Variants in ITFG2 observed in about 807,000 individuals in gnomAD.
ITFG2 encodes integrin alpha FG-GAP repeat containing 2.
A neutral mutation model predicts 54.4 loss-of-function variants in ITFG2; 36 were observed. That is an observed-to-expected ratio of 0.66 (90% CI 0.51 to 0.87). The LOEUF is 0.87. Ranked by LOEUF, ITFG2 falls within the 40% of genes least tolerant of loss-of-function variation. The pLI is 0.00. For missense variants in ITFG2, 524 were observed against 576.7 expected (o/e 0.91, Z 0.94); for synonymous variants, 211 against 225.4 (o/e 0.94, Z 0.57).
chr12:2,834,331 T>C (rs2098017584), upstream of ITFG2, among the ~76,000 whole-genome samples: 1 of 152,188 alleles, frequency 6.6e-6, no homozygotes, highest in African/African-American at 2.4e-5. Context: ...GTGACCACTC[T>C]AGAGGGTTCC....
chr12:2,835,928 TAGTG>T (rs1482478858), upstream of ITFG2, among the ~76,000 whole-genome samples: 2 of 152,238 alleles, frequency 1.3e-5, no homozygotes, highest in African/African-American at 4.8e-5. Context: ...TAGTTTTTGT[TAGTG>T]AGATTCATCC....
intron 2 of ITFG2, chr12:2,857,709 T>C (rs2098092418): frequency 6.5e-6 from 1 of 152,818 alleles, no homozygotes; most frequent in Non-Finnish European, 1.5e-5. Context: ...TATTGAGTAG[T>C]TAGTGTTCTC....
chr12:2,850,978 C>CTTTTTTTTTTTTTTTT (rs35125854), intron 2 of ITFG2, among the ~76,000 whole-genome samples: 1 of 81,666 alleles, frequency 1.2e-5, no homozygotes. Context: ...GGCCCAGAGT[C>CTTTTTTTTTTTTTTTT]TTTTTTTTTT....
intron 1 of ITFG2, among the ~76,000 whole-genome samples, chr12:2,837,896 G>T (rs578002016): frequency 6.6e-6 from 1 of 152,288 alleles, no homozygotes; most frequent in African/African-American, 2.4e-5. Context: ...AGGTGGTCCA[G>T]TCCTTGTGTT....
At chr12:2,859,259 C>G (rs778653164) in intron 3 of ITFG2, 2 of 1,613,772 alleles carry the variant, frequency 1.2e-6, no homozygotes, top group Non-Finnish European at 1.7e-6. Flanking sequence ...GCAGCTCCGG[C>G]TCATCCACAC....
At chr12:2,841,192 A>G (rs936511044) in intron 2 of ITFG2, among the ~76,000 whole-genome samples, 4 of 152,222 alleles carry the variant, frequency 2.6e-5, no homozygotes, top group African/African-American at 9.6e-5. Flanking sequence ...TAACTTGTCT[A>G]TACCACGAGC....
intron 2 of ITFG2, among the ~76,000 whole-genome samples, chr12:2,855,874 G>T (rs2098085698): frequency 6.6e-6 from 1 of 152,082 alleles, no homozygotes; most frequent in Admixed American, 6.6e-5. Context: ...CTTGCTCCTG[G>T]TCTTGGCGGT....
At chr12:2,844,659 C>G (rs1347724121) in intron 2 of ITFG2, among the ~76,000 whole-genome samples, 1 of 152,128 alleles carries the variant, frequency 6.6e-6, no homozygotes, top group African/African-American at 2.4e-5. Context: ...CCTGTCCCTC[C>G]CTCTTTGTTT....
chr12:2,852,649 A>G (rs970536221), intron 2 of ITFG2, among the ~76,000 whole-genome samples: 32 of 152,000 alleles, frequency 2.1e-4, no homozygotes, highest in African/African-American at 7.5e-4. Flanking sequence ...ACAGGCATGA[A>G]CCATCATACT....
chr12:2,843,621 TG>T (rs1414868983), intron 2 of ITFG2, among the ~76,000 whole-genome samples: 4 of 152,066 alleles, frequency 2.6e-5, no homozygotes, highest in Non-Finnish European at 5.9e-5. Context: ...GAGACCAACC[TG>T]GCCAACATAG....
chr12:2,859,297 G>C lies in ITFG2; in HGVS notation n.621-237G>C. ...GGAGGCAGTAGATGCTGTTTTCTCC[G>C]AGACCGGCTCCTCTCCCTCCTCTCC... is the stretch of plus-strand genomic sequence containing the variant. On this transcript the variant is annotated intron_variant and non_coding_transcript_variant, in intron 3 of 3. Transcript: ENST00000537710. 3 of 1,613,376 alleles carry C rather than the reference G, an allele frequency of 1.9e-6. No individual in the cohort carries two copies. Among genetic ancestry groups the C allele is most frequent in the Non-Finnish European group, 2.5e-6 (3 of 1,179,938 alleles).
intron 1 of ITFG2, among the ~76,000 whole-genome samples, chr12:2,840,345 C>T (rs755387265): frequency 4.6e-4 from 70 of 151,000 alleles, no homozygotes; most frequent in Non-Finnish European, 8.4e-4. Flanking sequence ...CCCAGCTACT[C>T]GGGAGATTGA....
downstream of ITFG2, among the ~76,000 whole-genome samples, chr12:2,828,732 C>A (rs1316710945): frequency 2.0e-5 from 3 of 152,146 alleles, no homozygotes; most frequent in African/African-American, 7.2e-5. Context: ...ATCCCAGCTA[C>A]TCGGGAGGCT....
At chr12:2,841,620 C>T (rs865809040) in intron 2 of ITFG2, among the ~76,000 whole-genome samples, 20 of 152,200 alleles carry the variant, frequency 1.3e-4, no homozygotes, top group South Asian at 6.2e-4. Context: ...CTGAGATATG[C>T]TGCAAGTTAA....
downstream of ITFG2, chr12:2,827,597 T>C (rs1433473746): frequency 5.6e-6 from 9 of 1,614,138 alleles, no homozygotes; most frequent in Non-Finnish European, 7.6e-6. This position sits in a 1 kb window ranked among gnomAD's most constrained non-coding sequence, Gnocchi z 4.0. Context: ...CCCAGTGCTT[T>C]GGGTCAGGCC....
downstream of ITFG2, chr12:2,827,947 C>T: frequency 1.2e-6 from 2 of 1,614,178 alleles, no homozygotes; most frequent in South Asian, 2.2e-5. This position sits in a 1 kb window ranked among gnomAD's most constrained non-coding sequence, Gnocchi z 4.0. Flanking sequence ...GCCGAGCACA[C>T]CACAGTCTCC....
chr12:2,816,862 G>A (rs983024981), intron 1 of ITFG2, among the ~76,000 whole-genome samples: 2 of 138,244 alleles, frequency 1.4e-5, no homozygotes, highest in East Asian at 2.3e-4. Context: ...GGCTGGTCTC[G>A]AATTCCTGAG....
chr12:2,830,864 G>A, exon 3 of ITFG2: 1 of 1,611,188 alleles, frequency 6.2e-7, no homozygotes, highest in Non-Finnish European at 8.5e-7. Context: ...GCGGCTGCTG[G>A]CTCCATCACA....
chr12:2,850,653 T>TTTTTGTTTTGTTTTGTTTTG (rs150335236), intron 2 of ITFG2, among the ~76,000 whole-genome samples: 2 of 97,630 alleles, frequency 2.0e-5, no homozygotes, highest in African/African-American at 1.2e-4. Context: ...AGAGTCTTTG[T>TTTTTGTTTTGTTTTGTTTTG]TTTTGTTTTG....
Sources: gnomAD v4.1 joint callset for allele counts (sites outside exome capture counted in the v4.1 genomes callset) on GRCh38, gnomAD v4.1.1 for gene constraint, Gnocchi (gnomAD v3.1) non-coding constraint, MANE v1.5 for transcripts, NCBI Gene and HGNC (gene_info 2026-07-23, HGNC 2026-07-21) for gene names.